The following ANKFN1 variants were observed in gnomAD, a reference collection of about 807,000 sequenced individuals.
The protein encoded by ANKFN1 is ankyrin repeat and fibronectin type III domain containing 1.
ANKFN1 carries 74 observed loss-of-function variants against 108.7 expected under a neutral mutation model. The observed-to-expected ratio is 0.68, with a 90% confidence interval of 0.56 to 0.83. ANKFN1 has a LOEUF of 0.83. Among genes scored for constraint, ANKFN1 ranks in the 40% least tolerant of loss-of-function variants. The probability of loss-of-function intolerance (pLI) is 0.00; values close to 1 mark genes in which losing one functional copy is unlikely to be tolerated. For missense variants in ANKFN1, 1,505 were observed against 1,382.3 expected, an observed-to-expected ratio of 1.09 and a Z score of -1.41; for synonymous variants, 547 against 516.2, an observed-to-expected ratio of 1.06 and a Z score of -0.81.
At chr17:56,323,083 A>G (rs2045415428) in intron 3 of ANKFN1, 1 of 152,232 alleles carries the variant, frequency 6.6e-6, no homozygotes, top group African/African-American at 2.4e-5. Context: ...AATCAGTGAG[A>G]CACATTCGCA....
At chr17:56,281,215 G>A (rs9896945) in intron 3 of ANKFN1, among the ~76,000 whole-genome samples, 56,305 of 151,546 alleles carry the variant, frequency 0.37, 10,640 homozygotes, top group Middle Eastern at 0.61. Flanking sequence ...GCACAGATGA[G>A]TAGGCCAATA....
At chr17:56,330,711 T>A (rs970269848) in intron 4 of ANKFN1, among the ~76,000 whole-genome samples, 5 of 152,150 alleles carry the variant, frequency 3.3e-5, no homozygotes, top group African/African-American at 1.2e-4. Context: ...GGTTACCCTA[T>A]GTGGGATACT....
Position 56,511,283 on chromosome 17 carries a change from G to A in ANKFN1, c.*14G>A. 4 of 1,500,634 alleles carry A rather than the reference G, an allele frequency of 2.7e-6. No individual in the cohort carries two copies. The highest frequency in any genetic ancestry group is 1.3e-5 in the South Asian group (1 of 78,328). The allele number at this position is 1,500,634 out of a possible 1,614,324, so 93.0% of individuals were successfully genotyped here. On this transcript the variant is annotated 3_prime_UTR_variant, in exon 21 of 21. Transcript: ENST00000682825. ...AGCATGCTTTAGGGAGGCCCATCCCGGCTGTCCACCCCTCCATGGCTGCTA... is the reference window on the plus strand; with the variant it reads ...AGCATGCTTTAGGGAGGCCCATCCCAGCTGTCCACCCCTCCATGGCTGCTA...
chr17:56,276,898 AT>A (rs201021822), intron 3 of ANKFN1, among the ~76,000 whole-genome samples: 3 of 151,854 alleles, frequency 2.0e-5, no homozygotes, highest in South Asian at 4.1e-4. Flanking sequence ...GAATGAGATG[AT>A]TTTTTTTGCT....
chr17:56,101,555 C>A (rs1347356459), intron 4 of ANKFN1, among the ~76,000 whole-genome samples: 1 of 152,182 alleles, frequency 6.6e-6, no homozygotes, highest in Admixed American at 6.5e-5. Context: ...GTGCTCTGTG[C>A]ACCAGTGCCA....
At chr17:56,509,049 C>T (rs1470188456) in intron 20 of ANKFN1, among the ~76,000 whole-genome samples, 1 of 152,110 alleles carries the variant, frequency 6.6e-6, no homozygotes, top group Non-Finnish European at 1.5e-5. Context: ...CAGTGGAGCT[C>T]AAAAAGGCAG....
intron 8 of ANKFN1, among the ~76,000 whole-genome samples, chr17:56,415,356 C>T (rs1194296274): frequency 6.6e-5 from 10 of 152,172 alleles, no homozygotes; most frequent in Admixed American, 6.5e-4. Flanking sequence ...AGAACTGATA[C>T]ATTCAGTAAA....
At chr17:56,138,175 T>C (rs2143379752) in intron 4 of ANKFN1, among the ~76,000 whole-genome samples, 1 of 152,300 alleles carries the variant, frequency 6.6e-6, no homozygotes, top group Middle Eastern at 3.4e-3. Context: ...GTTAACACTA[T>C]GATTACTCAG....
At chr17:56,228,320 G>A (rs371387927) in intron 3 of ANKFN1, 6 of 216,688 alleles carry the variant, frequency 2.8e-5, no homozygotes, top group South Asian at 1.6e-4. Flanking sequence ...GCTCCTCACC[G>A]TGTGGTCACA....
chr17:56,456,358 G>T (rs1456413041), intron 11 of ANKFN1, among the ~76,000 whole-genome samples: 2 of 147,724 alleles, frequency 1.4e-5, no homozygotes, highest in Admixed American at 1.3e-4. Flanking sequence ...TGTTCATTGA[G>T]TTAACCACTG....
intron 4 of ANKFN1, among the ~76,000 whole-genome samples, chr17:56,132,586 G>T (rs1356252498): frequency 6.6e-5 from 10 of 152,138 alleles, no homozygotes; most frequent in Non-Finnish European, 1.5e-4. Flanking sequence ...GAAAAGTCAT[G>T]CCTTAGTCGG....
At chr17:56,078,842 A>T (rs1905212230) in intron 4 of ANKFN1, among the ~76,000 whole-genome samples, 1 of 152,276 alleles carries the variant, frequency 6.6e-6, no homozygotes, top group East Asian at 1.9e-4. Context: ...AAGGAGGAAG[A>T]CTTATTTTCT....
intron 20 of ANKFN1, among the ~76,000 whole-genome samples, chr17:56,504,586 T>A (rs937446117): frequency 6.6e-6 from 1 of 152,230 alleles, no homozygotes; most frequent in Admixed American, 6.5e-5. Context: ...GATCTTAATA[T>A]GTTATTCTCT....
intron 4 of ANKFN1, among the ~76,000 whole-genome samples, chr17:56,070,633 C>A (rs1282858123): frequency 6.6e-6 from 1 of 152,168 alleles, no homozygotes; most frequent in Non-Finnish European, 1.5e-5. Context: ...GTTCTCTTAA[C>A]CTGCCACCTC....
intron 3 of ANKFN1, among the ~76,000 whole-genome samples, chr17:56,308,008 G>A (rs908147868): frequency 6.6e-6 from 1 of 152,154 alleles, no homozygotes; most frequent in Non-Finnish European, 1.5e-5. Flanking sequence ...AGAACCGCAT[G>A]TTCTCACTCA....
At position 56,391,245 on chromosome 17, in the gene ANKFN1, A is replaced by G. The variant is rs9902899; in HGVS notation, c.910+16531A>G. Among the ~76,000 whole-genome samples, 219 of 30,408 alleles carry G rather than the reference A, an allele frequency of 7.2e-3. 1 individual carries two copies. The highest frequency in any genetic ancestry group is 0.016 in the Admixed American group (19 of 1,194). 19.9% of individuals were successfully genotyped at this position (30,408 alleles called of 152,430 possible). The stretch of plus-strand genomic sequence containing the variant: ...TATATATATATATATATATATATAT[A>G]TATGTATGTGTGTGTGTGTGTGTAC... On this transcript the variant is annotated intron_variant, in intron 8 of 20. Coordinates refer to ENST00000682825, the MANE Select transcript of ANKFN1 (RefSeq NM_001370326.1).
At chr17:56,122,620 T>G (rs151130362) in intron 4 of ANKFN1, among the ~76,000 whole-genome samples, 1 of 152,306 alleles carries the variant, frequency 6.6e-6, no homozygotes, top group Non-Finnish European at 1.5e-5. Context: ...CTTCAGACTA[T>G]TGGAACTCAC....
intron 1 of ANKFN1, among the ~76,000 whole-genome samples, chr17:56,197,507 A>G (rs1317382149): frequency 6.6e-6 from 1 of 152,186 alleles, no homozygotes; most frequent in East Asian, 1.9e-4. Context: ...CACATAGTAC[A>G]CACAGCAAAT....
intron 4 of ANKFN1, among the ~76,000 whole-genome samples, chr17:56,144,477 T>A (rs1302947266): frequency 2.0e-5 from 3 of 152,214 alleles, no homozygotes; most frequent in African/African-American, 7.2e-5. Context: ...TAATCAGGTT[T>A]ACCCAGGAGA....
Sources: allele counts gnomAD v4.1 joint callset (sites outside exome capture counted in the v4.1 genomes callset), GRCh38; gene constraint gnomAD v4.1.1; transcripts MANE v1.5; gene names NCBI Gene and HGNC (gene_info 2026-07-23, HGNC 2026-07-21).